The following TCF4 variants were observed in gnomAD, a reference collection of about 807,000 sequenced individuals.
The protein encoded by TCF4 is SL3-3 enhancer factor 2.
Under a neutral mutation model 82.1 loss-of-function variants are expected in TCF4, and 3 were observed. The ratio of observed to expected loss-of-function variants is 0.04; its 90% CI spans 0.02 to 0.09. TCF4 has a LOEUF of 0.09. TCF4 is among the 10% of genes least tolerant of loss of function. The pLI is 1.00. For synonymous variants in TCF4, 276 were observed against 309.6 expected (o/e 0.89, Z 1.14); for missense variants, 518 against 852.7 (o/e 0.61, Z 4.89).
intron 3 of TCF4, among the ~76,000 whole-genome samples, chr18:55,545,233 T>TA (rs1489273125): frequency 6.6e-6 from 1 of 152,214 alleles, no homozygotes; most frequent in East Asian, 1.9e-4. Context: ...ATCTGTCACA[T>TA]AAAAAATGCC....
At chr18:55,374,140 A>T (rs1603411030) in intron 6 of TCF4, among the ~76,000 whole-genome samples, 1 of 152,276 alleles carries the variant, frequency 6.6e-6, no homozygotes, top group Non-Finnish European at 1.5e-5. Flanking sequence ...AAGAAAATCT[A>T]AGGGATGCAG....
chr18:55,303,230 C>T (rs1013781880), intron 8 of TCF4, among the ~76,000 whole-genome samples: 12 of 87,032 alleles, frequency 1.4e-4, no homozygotes, highest in Non-Finnish European at 2.3e-4. Context: ...AGTACGTACA[C>T]ACACACACAC....
At chr18:55,427,874 G>C (rs1343116983) in intron 5 of TCF4, among the ~76,000 whole-genome samples, 1 of 152,190 alleles carries the variant, frequency 6.6e-6, no homozygotes, top group African/African-American at 2.4e-5. Flanking sequence ...GAGAACCAAT[G>C]ATTCTAAGAC....
At chr18:55,592,070 G>A (rs2097686112), upstream of TCF4, among the ~76,000 whole-genome samples, 2 of 152,124 alleles carry the variant, frequency 1.3e-5, no homozygotes, top group South Asian at 4.1e-4. Context: ...AATTGTCACA[G>A]AATGTTATAC....
intron 5 of TCF4, among the ~76,000 whole-genome samples, chr18:55,429,411 C>G: frequency 6.6e-6 from 1 of 152,188 alleles, no homozygotes; most frequent in East Asian, 1.9e-4. Flanking sequence ...AAATATCAGA[C>G]TCTGGGATTG....
intron 15 of TCF4, 38 bp downstream of exon 15, chr18:55,254,459 A>G (rs780899050): frequency 9.4e-6 from 15 of 1,587,860 alleles, no homozygotes; most frequent in East Asian, 2.2e-5. Flanking sequence ...TTCTAACTCT[A>G]TATGATAACT....
chr18:55,498,520 C>A (rs1462855943), intron 3 of TCF4, among the ~76,000 whole-genome samples: 1 of 152,182 alleles, frequency 6.6e-6, no homozygotes, highest in Admixed American at 6.5e-5. Context: ...GAGCGTGAGA[C>A]CAACCATCAG....
At chr18:55,392,831 T>C (rs1310937545) in intron 6 of TCF4, among the ~76,000 whole-genome samples, 2 of 152,238 alleles carry the variant, frequency 1.3e-5, no homozygotes, top group African/African-American at 2.4e-5. Context: ...GTTTCCCATA[T>C]AGTGGGCAAC....
intron 3 of TCF4, among the ~76,000 whole-genome samples, chr18:55,481,643 TC>T (rs1442205682): frequency 6.6e-6 from 1 of 152,188 alleles, no homozygotes; most frequent in Non-Finnish European, 1.5e-5. Context: ...CAGGCAGTAC[TC>T]CTCCCAAAAC....
chr18:55,487,816 G>A (rs1191223763), intron 3 of TCF4, among the ~76,000 whole-genome samples: 1 of 151,804 alleles, frequency 6.6e-6, no homozygotes, highest in African/African-American at 2.4e-5. Flanking sequence ...GATTTGAAAT[G>A]GCATGACTTG....
intron 6 of TCF4, among the ~76,000 whole-genome samples, chr18:55,370,800 C>G (rs183488867): frequency 6.6e-6 from 1 of 151,772 alleles, no homozygotes; most frequent in African/African-American, 2.4e-5. Flanking sequence ...GGTGAGGCCA[C>G]GAAAATATTA....
intron 3 of TCF4, among the ~76,000 whole-genome samples, chr18:55,557,788 T>A (rs998013015): frequency 1.3e-5 from 2 of 152,160 alleles, no homozygotes; most frequent in Admixed American, 6.5e-5. Flanking sequence ...TAAATGCAGA[T>A]ACAACAAAAT....
intron 5 of TCF4, among the ~76,000 whole-genome samples, chr18:55,407,198 G>A (rs1252703660): frequency 1.3e-5 from 2 of 152,016 alleles, no homozygotes; most frequent in Admixed American, 1.3e-4. Flanking sequence ...ACGATTTGCC[G>A]TGCATGAAAT....
At chr18:55,473,774 T>C (rs1397724363) in intron 3 of TCF4, among the ~76,000 whole-genome samples, 1 of 152,196 alleles carries the variant, frequency 6.6e-6, no homozygotes, top group African/African-American at 2.4e-5. Context: ...ATTTCTTTCA[T>C]AGTAATCAAA....
intron 8 of TCF4, among the ~76,000 whole-genome samples, chr18:55,297,630 C>T (rs986765057): frequency 1.3e-5 from 2 of 152,114 alleles, no homozygotes; most frequent in Non-Finnish European, 2.9e-5. Flanking sequence ...TGCTGGCATC[C>T]TCTTTCCTCA....
intron 6 of TCF4, among the ~76,000 whole-genome samples, chr18:55,370,381 G>T (rs1205837279): frequency 2.0e-5 from 3 of 152,032 alleles, no homozygotes; most frequent in Admixed American, 2.0e-4. Flanking sequence ...TCCAGCCTGG[G>T]CTCAGTACAT....
intron 3 of TCF4, among the ~76,000 whole-genome samples, chr18:55,570,110 G>A (rs1356933177): frequency 6.6e-6 from 1 of 152,066 alleles, no homozygotes; most frequent in East Asian, 1.9e-4. Context: ...ACAAATACAG[G>A]AACTAAAAAT....
chr18:55,407,917 T>C (rs2094175029), intron 5 of TCF4, among the ~76,000 whole-genome samples: 1 of 152,186 alleles, frequency 6.6e-6, no homozygotes, highest in Non-Finnish European at 1.5e-5. Flanking sequence ...AATGATCTCA[T>C]AAATCCATTC....
intron 6 of TCF4, among the ~76,000 whole-genome samples, chr18:55,356,447 T>C (rs1170535673): frequency 4.6e-5 from 7 of 152,222 alleles, no homozygotes; most frequent in African/African-American, 1.4e-4. Context: ...GCCATGTTCC[T>C]GGAAATGCCA....
Sources: gnomAD v4.1 joint callset for allele counts (sites outside exome capture counted in the v4.1 genomes callset) on GRCh38, gnomAD v4.1.1 for gene constraint, MANE v1.5 for transcripts, NCBI Gene and HGNC (gene_info 2026-07-23, HGNC 2026-07-21) for gene names.